Variants in ADAMTSL1 observed in about 807,000 individuals in gnomAD.
The protein encoded by ADAMTSL1 is ADAMTS like 1.
ADAMTSL1 carries 126 observed loss-of-function variants against 201.8 expected under a neutral mutation model. The observed-to-expected ratio is 0.62, with a 90% CI of 0.54 to 0.72. ADAMTSL1 has a LOEUF of 0.72. Among genes scored for constraint, ADAMTSL1 ranks in the 30% least tolerant of loss-of-function variants. ADAMTSL1 has a pLI of 0.00. For missense variants in ADAMTSL1, 2,679 were observed against 2,277.8 expected (o/e 1.18, Z -3.59); for synonymous variants, 1,121 against 903.4 (o/e 1.24, Z -4.32).
At chr9:18,083,661 C>A (rs1823614231) in intron 1 of ADAMTSL1, among the ~76,000 whole-genome samples, 1 of 152,174 alleles carries the variant, frequency 6.6e-6, no homozygotes, top group Non-Finnish European at 1.5e-5. Context: ...GCAACTGGGG[C>A]TCTTTATGAG....
At chr9:18,024,943 C>T (rs1038365305) in intron 1 of ADAMTSL1, among the ~76,000 whole-genome samples, 1 of 151,934 alleles carries the variant, frequency 6.6e-6, no homozygotes, top group South Asian at 2.1e-4. Flanking sequence ...TCTTTGATTT[C>T]TTAACAATAG....
chr9:18,794,416 AC>A (rs1822244660), intron 19 of ADAMTSL1, among the ~76,000 whole-genome samples: 1 of 85,732 alleles, frequency 1.2e-5, no homozygotes, highest in East Asian at 3.3e-4. Flanking sequence ...AAAAAAAAAA[AC>A]AAAAACAAAA....
At chr9:18,279,734 C>G (rs1047982430) in intron 2 of ADAMTSL1, among the ~76,000 whole-genome samples, 1 of 152,014 alleles carries the variant, frequency 6.6e-6, no homozygotes, top group African/African-American at 2.4e-5. Context: ...TTTCTTTAAC[C>G]AAATGTGAAT....
At position 18,032,327 on chromosome 9, in the gene ADAMTSL1, T is replaced by C. The variant is rs1243368195; in HGVS notation, c.87+125405T>C. Among the ~76,000 whole-genome samples the C allele has an allele frequency of 3.3e-5, 5 of 152,308 alleles. 1 individual carries two copies. In the South Asian group the frequency reaches 8.3e-4, roughly 25 times the overall value. ...TACCCCTCAGGGTAGTGTGCTCGAA[T>C]CCTAGAAAGTTGGGACTTAGCCCAC... On this transcript the variant is annotated intron_variant, in intron 1 of 29. Transcript: ENST00000680146.
At chr9:18,331,452 C>G (rs1182668978) in intron 2 of ADAMTSL1, among the ~76,000 whole-genome samples, 2 of 152,120 alleles carry the variant, frequency 1.3e-5, no homozygotes, top group Non-Finnish European at 2.9e-5. Context: ...AGGGTAAAAC[C>G]TTAGTATAAT....
At chr9:18,503,421 G>GTGTGTATATATA (rs376466829) in intron 1 of ADAMTSL1, among the ~76,000 whole-genome samples, 1 of 115,274 alleles carries the variant, frequency 8.7e-6, no homozygotes, top group African/African-American at 3.1e-5. Context: ...ATTCCATTGT[G>GTGTGTATATATA]TATATATATA....
chr9:18,501,366 C>T (rs1822832131), intron 1 of ADAMTSL1, among the ~76,000 whole-genome samples: 1 of 151,842 alleles, frequency 6.6e-6, no homozygotes, highest in South Asian at 2.1e-4. Flanking sequence ...CAAAAATTAG[C>T]CGGGCGTGCC....
At chr9:17,986,892 A>C (rs1818950683) in intron 1 of ADAMTSL1, among the ~76,000 whole-genome samples, 1 of 152,100 alleles carries the variant, frequency 6.6e-6, no homozygotes, top group Non-Finnish European at 1.5e-5. Context: ...AGGTAAATAA[A>C]AAAGTGCTAA....
chr9:18,188,001 G>T (rs1403214783), intron 2 of ADAMTSL1, among the ~76,000 whole-genome samples: 1 of 152,134 alleles, frequency 6.6e-6, no homozygotes, highest in African/African-American at 2.4e-5. Context: ...ACTGTAGAGT[G>T]TGAAAAATAT....
intron 1 of ADAMTSL1, among the ~76,000 whole-genome samples, chr9:18,502,136 C>T (rs1331802456): frequency 2.0e-5 from 3 of 152,202 alleles, no homozygotes; most frequent in African/African-American, 7.2e-5. Context: ...TATGAAAATG[C>T]ATTCTGCATG....
At chr9:18,878,340 A>C (rs775074845) in intron 23 of ADAMTSL1, among the ~76,000 whole-genome samples, 1 of 152,296 alleles carries the variant, frequency 6.6e-6, no homozygotes, top group Admixed American at 6.5e-5. Flanking sequence ...AATTGTTACA[A>C]AGTTCATTTG....
At chr9:18,289,980 C>A (rs1428535762) in intron 2 of ADAMTSL1, among the ~76,000 whole-genome samples, 3 of 152,028 alleles carry the variant, frequency 2.0e-5, no homozygotes, top group South Asian at 2.1e-4. Context: ...GGAGATGATA[C>A]CCTCTAAGAA....
At chr9:18,500,890 C>T (rs1822794005) in intron 1 of ADAMTSL1, among the ~76,000 whole-genome samples, 1 of 152,210 alleles carries the variant, frequency 6.6e-6, no homozygotes, top group African/African-American at 2.4e-5. Flanking sequence ...AGACCATCAT[C>T]TCACATGACA....
intron 1 of ADAMTSL1, among the ~76,000 whole-genome samples, chr9:17,959,272 C>G (rs375796023): frequency 2.0e-4 from 30 of 152,176 alleles, no homozygotes; most frequent in African/African-American, 6.3e-4. Context: ...ATATGACTTA[C>G]TGTTGTACTT....
chr9:18,695,694 C>T (rs1831509452), intron 13 of ADAMTSL1, among the ~76,000 whole-genome samples: 1 of 152,228 alleles, frequency 6.6e-6, no homozygotes, highest in Non-Finnish European at 1.5e-5. Flanking sequence ...TTAGGAAATT[C>T]CAAAGTTTCC....
At chr9:18,894,008 T>G (rs1829458071) in intron 26 of ADAMTSL1, among the ~76,000 whole-genome samples, 2 of 151,732 alleles carry the variant, frequency 1.3e-5, no homozygotes, top group South Asian at 4.1e-4. Flanking sequence ...TGTGAAGAAA[T>G]GAAGGGAAAA....
At chr9:18,731,951 T>C (rs2133485645) in intron 15 of ADAMTSL1, among the ~76,000 whole-genome samples, 1 of 152,320 alleles carries the variant, frequency 6.6e-6, no homozygotes, top group Non-Finnish European at 1.5e-5. Context: ...AGGGATTATA[T>C]TTCCATATGA....
At chr9:17,979,657 T>C (rs1818607414) in intron 1 of ADAMTSL1, among the ~76,000 whole-genome samples, 1 of 152,170 alleles carries the variant, frequency 6.6e-6, no homozygotes, top group African/African-American at 2.4e-5. Context: ...TGCTTTGTTC[T>C]TTGGTGGTAT....
At chr9:18,383,612 T>C (rs975845779) in intron 2 of ADAMTSL1, among the ~76,000 whole-genome samples, 5 of 152,280 alleles carry the variant, frequency 3.3e-5, no homozygotes, top group African/African-American at 4.8e-5. Context: ...GCTTCTCAGA[T>C]GATGGAAGCA....
Sources: allele counts gnomAD v4.1 joint callset (sites outside exome capture counted in the v4.1 genomes callset), GRCh38; gene constraint gnomAD v4.1.1; transcripts MANE v1.5; gene names NCBI Gene and HGNC (gene_info 2026-07-23, HGNC 2026-07-21).